Variants in MYO15B observed in about 807,000 individuals in gnomAD.
The protein encoded by MYO15B is myosin XVB pseudogene.
In MYO15B, 207 loss-of-function variants were observed where a neutral mutation model predicts 119.3. The ratio of observed to expected loss-of-function variants is 1.73; its 90% CI spans 1.55 to 1.95. The LOEUF is 1.95. MYO15B is among the 30% of genes most tolerant of loss of function. The pLI is 0.00. For synonymous variants in MYO15B, 966 were observed against 498.9 expected, an observed-to-expected ratio of 1.94 and a Z score of -12.48; for missense variants, 2,264 against 1,203.1, an observed-to-expected ratio of 1.88 and a Z score of -13.04.
At chr17:75,600,017 T>C (rs2057145758) in intron 14 of MYO15B, among the ~76,000 whole-genome samples, 1 of 149,954 alleles carries the variant, frequency 6.7e-6, no homozygotes, top group Admixed American at 6.7e-5. Context: ...TATTTCTTTT[T>C]TTTTCTTTTT....
chr17:75,606,187 A>C, intron 21 of MYO15B, 166 bp downstream of exon 21: 1 of 528,804 alleles, frequency 1.9e-6, no homozygotes, highest in Non-Finnish European at 3.4e-6. Context: ...TACCCCCCAT[A>C]CCCGTGCAGC....
chr17:75,611,047 G>A (rs2057995507), intron 23 of MYO15B, 88 bp downstream of exon 23: 8 of 699,626 alleles, frequency 1.1e-5, no homozygotes, highest in African/African-American at 5.2e-5. Context: ...GGGTGCTACC[G>A]TGGGTCTTGT....
At chr17:75,614,538 C>T (rs1356968326) in intron 30 of MYO15B, 45 bp from the exon 31 acceptor site, 4 of 697,072 alleles carry the variant, frequency 5.7e-6, no homozygotes, top group Non-Finnish European at 1.0e-5. Context: ...GCCTGGGTGA[C>T]CCTCAGCCTT....
chr17:75,613,601 C>T (rs2058166928), intron 28 of MYO15B, 104 bp from the exon 29 acceptor site: 1 of 648,250 alleles, frequency 1.5e-6, no homozygotes, highest in African/African-American at 1.8e-5. Flanking sequence ...GATCCCCCTC[C>T]CCTCTGTCCT....
At chr17:75,610,144 C>T (rs761777867) in intron 21 of MYO15B, 22 bp from the exon 22 acceptor site, 6 of 693,306 alleles carry the variant, frequency 8.7e-6, no homozygotes, top group South Asian at 7.5e-5. Flanking sequence ...TCATTTCGCC[C>T]CCGCTCTTTC....
At chr17:75,621,677 A>T (rs1467587030) in intron 52 of MYO15B, 107 bp downstream of exon 52, 1 of 631,790 alleles carries the variant, frequency 1.6e-6, no homozygotes, top group Non-Finnish European at 2.9e-6. Context: ...CCAGTCTGCC[A>T]ACTCCGGGAA....
At position 75,617,791 on chromosome 17, in the gene MYO15B, AC is replaced by A; in HGVS notation, c.6815-14del. 1 of 694,970 alleles carries A rather than the reference AC, an allele frequency of 1.4e-6. No individual in the cohort carries two copies. The highest frequency in any genetic ancestry group is 2.6e-6 in the Non-Finnish European group (1 of 379,712). 43.1% of individuals were successfully genotyped at this position (694,970 alleles called of 1,614,324 possible). On this transcript the variant is annotated intron_variant, in intron 41 of 63. Transcript: ENST00000645453. Reference sequence around the variant, plus strand: ...CTGCAGCCCCTCACTGAGGCTCCTCACCCCCTCCTCTCTGCCAGGCTTGACA... The same window carrying A: ...CTGCAGCCCCTCACTGAGGCTCCTCACCCCTCCTCTCTGCCAGGCTTGACA...
At chr17:75,612,001 C>T (rs1178654158) in exon 25 of MYO15B, 12 of 702,908 alleles carry the variant, frequency 1.7e-5, no homozygotes, top group Middle Eastern at 2.3e-4. Flanking sequence ...CCAGCTTCGT[C>T]GCCATCGGCT....
intron 15 of MYO15B, chr17:75,602,275 G>C: frequency 1.6e-6 from 1 of 631,694 alleles, no homozygotes. Context: ...CTATTGACTA[G>C]CATAGGTTAA....
chr17:75,616,309 C>G lies in MYO15B; in HGVS notation c.6110-3C>G. The G allele has an allele frequency of 1.7e-6, 1 of 603,914 alleles. No homozygotes were observed. Among genetic ancestry groups the G allele is most frequent in the Non-Finnish European group, 2.9e-6 (1 of 339,390 alleles). 37.4% of individuals were successfully genotyped at this position (603,914 alleles called of 1,614,324 possible). A position where few individuals can be genotyped will look rare whatever the true frequency, so the allele number is the denominator to read the frequency against. ...ACTTTGAAGGCCATCTGGACACTTG[C>G]AGGGCAGCCACAGATCACAGTGAGG... On this transcript the variant is annotated splice_region_variant and splice_polypyrimidine_tract_variant and intron_variant, in intron 37 of 63. Coordinates refer to ENST00000645453, the Ensembl canonical transcript of MYO15B.
At chr17:75,609,980 C>T (rs541828214) in intron 21 of MYO15B, among the ~76,000 whole-genome samples, 186 bp from the exon 22 acceptor site, 170 of 152,284 alleles carry the variant, frequency 1.1e-3, no homozygotes, top group South Asian at 8.5e-3. Context: ...CATCAGCCAC[C>T]GCACCCGACC....
exon 1 of MYO15B, chr17:75,588,597 G>C: frequency 2.5e-6 from 1 of 399,540 alleles, no homozygotes; most frequent in Non-Finnish European, 4.4e-6. Context: ...CCCGGGAGCT[G>C]CGGCCCACGC....
rs1598701379 is a variant in MYO15B at position 75,592,138 on chromosome 17, G to A, written c.2651+58G>A. 1.0e-5 allele frequency: 7 copies of A among 701,788 alleles called. No individual in the cohort carries two copies. In the East Asian group the frequency reaches 1.9e-4, roughly 19 times the overall value. The allele number at this position is 701,788 out of a possible 1,614,324, so 43.5% of individuals were successfully genotyped here. A position where few individuals can be genotyped will look rare whatever the true frequency, so the allele number is the denominator to read the frequency against. On this transcript the variant is annotated intron_variant, in intron 6 of 63. Coordinates refer to ENST00000645453, the Ensembl canonical transcript of MYO15B. ...TCACTTACCCTTCCTGGGTCCTTGG[G>A]CTGCTTCCCTGGGGTCCAGACCCTG...
exon 1 of MYO15B, chr17:75,588,555 G>A (rs1458073167): frequency 1.8e-5 from 7 of 398,676 alleles, no homozygotes; most frequent in Non-Finnish European, 3.1e-5. Context: ...AAACCCGCGA[G>A]GCCCAGGAGA....
intron 23 of MYO15B, 91 bp downstream of exon 23, chr17:75,611,050 G>T (rs1490320106): frequency 1.1e-5 from 8 of 698,824 alleles, no homozygotes; most frequent in African/African-American, 3.5e-5. Context: ...TGCTACCGTG[G>T]GTCTTGTCCC....
At chr17:75,588,136 T>TCGGCCAGCGCGGATGGCG in exon 1 of MYO15B, 1 of 397,950 alleles carries the variant, frequency 2.5e-6, no homozygotes, top group Middle Eastern at 6.3e-4. Flanking sequence ...GGAGTCGGGG[T>TCGGCCAGCGCGGATGGCG]CGGCCAGCGC....
At chr17:75,607,333 C>T (rs1203814308) in intron 21 of MYO15B, among the ~76,000 whole-genome samples, 3 of 151,956 alleles carry the variant, frequency 2.0e-5, no homozygotes, top group East Asian at 1.9e-4. Context: ...TTTCCTTTTA[C>T]GACTGGCTTC....
intron 49 of MYO15B, 34 bp from the exon 50 acceptor site, chr17:75,620,997 C>T: frequency 1.4e-6 from 1 of 702,930 alleles, no homozygotes; most frequent in South Asian, 1.5e-5. Context: ...GGGCACTGGA[C>T]ACTCAGGTGG....
At chr17:75,614,165 C>G (rs1174337727) in intron 29 of MYO15B, 34 bp from the exon 30 acceptor site, 4 of 698,620 alleles carry the variant, frequency 5.7e-6, no homozygotes, top group African/African-American at 1.7e-5. Flanking sequence ...TCTGGATGGC[C>G]GCCTGCCTCA....
Sources: gnomAD v4.1 joint callset for allele counts (sites outside exome capture counted in the v4.1 genomes callset) on GRCh38, gnomAD v4.1.1 for gene constraint, MANE v1.5 for transcripts, NCBI Gene and HGNC (gene_info 2026-07-23, HGNC 2026-07-21) for gene names.